The following CREBZF variants were observed in gnomAD, a reference collection of about 807,000 sequenced individuals.
The protein encoded by CREBZF is CREB/ATF bZIP transcription factor.
In CREBZF, 8 loss-of-function variants were observed where a neutral mutation model predicts 21.1. That is an observed-to-expected ratio of 0.38 (90% CI 0.22 to 0.68). CREBZF has a LOEUF of 0.68. Ranked by LOEUF, CREBZF falls within the 30% of genes least tolerant of loss-of-function variation. The pLI is 0.51. For missense variants in CREBZF, 518 were observed against 484.3 expected (o/e 1.07, Z -0.65); for synonymous variants, 270 against 223.3 (o/e 1.21, Z -1.86).
Position 85,682,854 on chromosome 11 carries a change from T to C in CREBZF, n.10A>G, listed in dbSNP as rs78886949. The C allele has an allele frequency of 2.6e-3, 1,830 of 702,208 alleles. 20 individuals are homozygous for C. The highest frequency in any genetic ancestry group is 0.016 in the East Asian group (597 of 37,266). 43.5% of individuals were successfully genotyped at this position (702,208 alleles called of 1,614,324 possible). A position where few individuals can be genotyped will look rare whatever the true frequency, so the allele number is the denominator to read the frequency against. On this transcript the variant is annotated non_coding_transcript_exon_variant, in exon 1 of 4. Transcript: ENST00000531515. ...GGGATGGATGAGCCGAGCTTGGACG[T>C]ACAGGTTGTGGGAGGGAGGAGGAGC...
At position 85,663,638 on chromosome 11, in the gene CREBZF, G is replaced by A. The variant is rs761539190; in HGVS notation, c.*173C>T. ...ATTTAATAGTCACATGTTATCATTA[G>A]GAGTTGGTTACTGTGTCACATTCAT... On this transcript the variant is annotated 3_prime_UTR_variant, in exon 1 of 1. Coordinates refer to ENST00000527447, the MANE Select transcript of CREBZF (RefSeq NM_001039618.4). 14 of 1,588,250 alleles carry A rather than the reference G, an allele frequency of 8.8e-6. No individual in the cohort carries two copies. The highest frequency in any genetic ancestry group is 1.4e-5 in the African/African-American group (1 of 74,036).
In CREBZF at chr11:85,658,130, C is replaced by A. The variant is rs1279407166; in HGVS notation, c.*5681G>T. Among the ~76,000 whole-genome samples, 2 of 151,870 alleles carry A rather than the reference C, an allele frequency of 1.3e-5. No homozygotes were observed. Among genetic ancestry groups the A allele is most frequent in the African/African-American group, 4.8e-5 (2 of 41,420 alleles). On this transcript the variant is annotated 3_prime_UTR_variant, in exon 1 of 1. Transcript: ENST00000527447. ...GTTCTACTCATCCCAGTGAAAAAAA[C>A]AATGAATTAAAAGTAATTTCTGGCG... is the stretch of plus-strand genomic sequence containing the variant.
upstream of CREBZF, among the ~76,000 whole-genome samples, chr11:85,669,331 G>T (rs565551532): frequency 8.6e-5 from 13 of 151,632 alleles, no homozygotes; most frequent in Non-Finnish European, 1.6e-4. Context: ...CTTATCTCAC[G>T]TATCTACATT....
intron 1 of CREBZF, among the ~76,000 whole-genome samples, chr11:85,674,472 T>C (rs77372106): frequency 0.038 from 5,755 of 152,302 alleles, 162 homozygotes; most frequent in East Asian, 0.098. Flanking sequence ...ATTCCACTTA[T>C]AGATCACAGT....
At position 85,664,504 on chromosome 11, in the gene CREBZF, A is replaced by G; in HGVS notation, c.372T>C (p.Leu124=). 1 of 1,613,750 alleles carries G rather than the reference A, an allele frequency of 6.2e-7. No homozygotes were observed. Among genetic ancestry groups the G allele is most frequent in the Non-Finnish European group, 8.5e-7 (1 of 1,179,974 alleles). Residue 124 remains leucine, a synonymous_variant, in exon 1 of 1, where the codon CTT becomes CTC. Coordinates refer to ENST00000527447, the MANE Select transcript of CREBZF (RefSeq NM_001039618.4). This position sits in a 1 kb window ranked among gnomAD's most constrained non-coding sequence, Gnocchi z 5.5. The stretch of plus-strand genomic sequence containing the variant: ...ACGAGGAGAGAGGCCCCGGCGAGCT[A>G]AGCCCGGGGTCCAGGTGCCAGTCCG... ...RQPDWHLDPG[L]SSPGPLSSSG...
chr11:85,667,792 T>C (rs976006356), upstream of CREBZF, among the ~76,000 whole-genome samples: 3 of 152,046 alleles, frequency 2.0e-5, no homozygotes, highest in Non-Finnish European at 2.9e-5. Flanking sequence ...ACCCCATCTC[T>C]ATTAAAAATA....
intron 1 of CREBZF, among the ~76,000 whole-genome samples, chr11:85,670,274 C>A (rs1162674378): frequency 2.7e-5 from 3 of 113,164 alleles, no homozygotes; most frequent in East Asian, 3.0e-4. Flanking sequence ...CTTTAATCCC[C>A]CCCCCCCACA....
Position 85,664,361 on chromosome 11 carries a change from C to T in CREBZF, c.515G>A (p.Gly172Asp), listed in dbSNP as rs762975777. ...GCCACTGTCACTGCTGCTGCTGCAG[C>T]CTCCGATACCGTTTAACAGCCTTTG... Reference protein sequence around the residue: ...LLQRLLNGIGGCSSSSDSGSA... With the variant: ...LLQRLLNGIGDCSSSSDSGSA... Residue 172 changes from glycine to aspartate, a missense_variant, in exon 1 of 1, where the codon GGC (glycine) becomes GAC (aspartate). Gly to Asp is a moderately conservative substitution (Grantham distance 94). Coordinates refer to ENST00000527447, the MANE Select transcript of CREBZF (RefSeq NM_001039618.4). This position sits in a 1 kb window ranked among gnomAD's most constrained non-coding sequence, Gnocchi z 5.5. 5.0e-6 allele frequency: 8 copies of T among 1,613,452 alleles called. No individual in the cohort carries two copies. The highest frequency in any genetic ancestry group is 5.9e-6 in the Non-Finnish European group (7 of 1,179,956).
chr11:85,672,006 G>A (rs191823414), intron 1 of CREBZF, among the ~76,000 whole-genome samples: 107 of 152,360 alleles, frequency 7.0e-4, no homozygotes, highest in Non-Finnish European at 1.4e-3. Context: ...TGGGAGCCCC[G>A]CTCCTGCAGC....
chr11:85,674,337 G>A (rs1432523762), intron 1 of CREBZF, among the ~76,000 whole-genome samples: 2 of 152,164 alleles, frequency 1.3e-5, no homozygotes, highest in Non-Finnish European at 2.9e-5. Context: ...GTAACTAACT[G>A]CATTGTCAAT....
intron 1 of CREBZF, among the ~76,000 whole-genome samples, chr11:85,675,438 C>A (rs1020411639): frequency 3.3e-5 from 5 of 152,148 alleles, no homozygotes; most frequent in Non-Finnish European, 7.3e-5. Context: ...AATGGCCAGT[C>A]AGTGGCACTC....
intron 1 of CREBZF, among the ~76,000 whole-genome samples, chr11:85,676,986 C>T (rs2082947053): frequency 1.6e-5 from 1 of 60,844 alleles, no homozygotes; most frequent in African/African-American, 8.0e-5. Flanking sequence ...TTTTTTGAGA[C>T]AGAATGTCAC....
upstream of CREBZF, among the ~76,000 whole-genome samples, chr11:85,669,730 G>C (rs1190600415): frequency 6.6e-6 from 1 of 152,036 alleles, no homozygotes; most frequent in Non-Finnish European, 1.5e-5. Flanking sequence ...GAGCAGAGTG[G>C]GTAAGAAGAG....
rs558657275 is a variant in CREBZF at position 85,671,286 on chromosome 11, C to T, written n.148-7685G>A. Among the ~76,000 whole-genome samples the T allele has an allele frequency of 2.0e-5, 3 of 152,296 alleles. No homozygotes were observed. The South Asian group carries it at 6.2e-4, about 32-fold the overall frequency. On this transcript the variant is annotated intron_variant and non_coding_transcript_variant, in intron 1 of 3. Coordinates refer to the CREBZF transcript ENST00000531515. Reference sequence around the variant, plus strand: ...AAATTTGCCCCCATGATTCAATTACCTCCCACTGGGTCCCTTCCACAACAT... The same window carrying T: ...AAATTTGCCCCCATGATTCAATTACTTCCCACTGGGTCCCTTCCACAACAT...
chr11:85,670,594 C>T (rs2082905478), intron 1 of CREBZF, among the ~76,000 whole-genome samples: 1 of 152,198 alleles, frequency 6.6e-6, no homozygotes, highest in Non-Finnish European at 1.5e-5. Context: ...AGCCACTGCA[C>T]CCAGCCTCTC....
At chr11:85,681,803 T>G (rs2082977686) in intron 1 of CREBZF, among the ~76,000 whole-genome samples, 1 of 152,222 alleles carries the variant, frequency 6.6e-6, no homozygotes, top group Non-Finnish European at 1.5e-5. Context: ...TAAGCATCAC[T>G]TAATAGAGCA....
intron 1 of CREBZF, among the ~76,000 whole-genome samples, chr11:85,678,415 A>G (rs569768620): frequency 6.6e-6 from 1 of 152,240 alleles, no homozygotes; most frequent in South Asian, 2.1e-4. Flanking sequence ...GGTATTTTAA[A>G]TTTGATTAAA....
At chr11:85,668,934 G>A (rs560670329), upstream of CREBZF, among the ~76,000 whole-genome samples, 3 of 138,104 alleles carry the variant, frequency 2.2e-5, no homozygotes, top group South Asian at 2.4e-4. Flanking sequence ...CCTGGGAGGC[G>A]GAGCTTGCAG....
chr11:85,680,713 T>C (rs569125260), intron 1 of CREBZF, among the ~76,000 whole-genome samples: 3 of 152,356 alleles, frequency 2.0e-5, no homozygotes, highest in South Asian at 2.1e-4. Context: ...GAAAATAACA[T>C]CCAATTTGTC....
Sources: gnomAD v4.1 joint callset for allele counts (sites outside exome capture counted in the v4.1 genomes callset) on GRCh38, gnomAD v4.1.1 for gene constraint, Gnocchi (gnomAD v3.1) non-coding constraint, MANE v1.5 for transcripts, NCBI Gene and HGNC (gene_info 2026-07-23, HGNC 2026-07-21) for gene names.